Variants in PLAGL1 observed in about 807,000 individuals in gnomAD.
PLAGL1 encodes zinc finger protein PLAGL1.
PLAGL1 carries 1 observed loss-of-function variant against 4.6 expected under a neutral mutation model. The ratio of observed to expected loss-of-function variants is 0.22; its 90% CI spans 0.08 to 1.03. The LOEUF is 1.03. Among genes scored for constraint, PLAGL1 ranks in the 50% least tolerant of loss-of-function variants. The pLI is 0.58. For synonymous variants in PLAGL1, 240 were observed against 237.8 expected (o/e 1.01, Z -0.08); for missense variants, 464 against 570.4 (o/e 0.81, Z 1.90).
At position 144,050,373 on chromosome 6, in the gene PLAGL1, G is replaced by T. The variant is rs1798492143; in HGVS notation, c.-151+14095C>A. ...TGCTGCCAGAAGGTCTTTGATACCA[G>T]CAACCAGGGCTTGCTCGGCTTTCCT... is the stretch of plus-strand genomic sequence containing the variant. On this transcript the variant is annotated intron_variant, in intron 1 of 3. Transcript: ENST00000437412. The surrounding 1 kb of genome is among the most constrained non-coding windows in gnomAD (Gnocchi z 4.3). 6.6e-6 allele frequency among the ~76,000 whole-genome samples: 1 copy of T among 152,142 alleles called. No homozygotes were observed. Among genetic ancestry groups the T allele is most frequent in the Admixed American group, 6.5e-5 (1 of 15,284 alleles).
At chr6:144,051,958 A>G (rs1201738857) in intron 1 of PLAGL1, among the ~76,000 whole-genome samples, 3 of 152,340 alleles carry the variant, frequency 2.0e-5, no homozygotes, top group African/African-American at 4.8e-5. Context: ...CATATCACAT[A>G]TATTCATGAA....
rs145189479 is a variant in PLAGL1, at chr6:144,016,223, C to T, written c.-150-47245G>A. ...AGCTGAGGAGAAAGGAGAGCCAGTC[C>T]GAGTCCCAAAACTGAAGAACTTGGA... On this transcript the variant is annotated intron_variant, in intron 1 of 3. Transcript: ENST00000437412. This position sits in a 1 kb window ranked among gnomAD's most constrained non-coding sequence, Gnocchi z 4.2. Among the ~76,000 whole-genome samples the T allele has an allele frequency of 7.6e-3, 1,160 of 152,230 alleles. 10 individuals carry two copies. The highest frequency in any genetic ancestry group is 0.026 in the African/African-American group (1,089 of 41,498).
At position 143,949,157 on chromosome 6, in the gene PLAGL1, T is replaced by C. The variant is rs1780472088; in HGVS notation, c.-324-697A>G. 6.6e-6 allele frequency among the ~76,000 whole-genome samples: 1 copy of C among 152,202 alleles called. No individual in the cohort carries two copies. The highest frequency in any genetic ancestry group is 2.4e-5 in the African/African-American group (1 of 41,456). On this transcript the variant is annotated intron_variant, in intron 6 of 7. Transcript: ENST00000674357. The surrounding 1 kb of genome is among the most constrained non-coding windows in gnomAD (Gnocchi z 5.3). ...TACTAATCTCTTCCTTTTTTGTTTATGGACCTTTCTTCATTCCCTGGCCCT... is the reference window on the plus strand; with the variant it reads ...TACTAATCTCTTCCTTTTTTGTTTACGGACCTTTCTTCATTCCCTGGCCCT...
In PLAGL1 at chr6:144,013,467, T is replaced by G. The variant is rs553050155; in HGVS notation, c.-150-44489A>C. On this transcript the variant is annotated intron_variant, in intron 1 of 3. Transcript: ENST00000437412. The surrounding 1 kb of genome is among the most constrained non-coding windows in gnomAD (Gnocchi z 4.4). ...ATGGAATGGAACTTCCTTAGCCAGATAGTGGCTATATTTTATCCTATAGCT... is the reference window on the plus strand; with the variant it reads ...ATGGAATGGAACTTCCTTAGCCAGAGAGTGGCTATATTTTATCCTATAGCT... 3.3e-5 allele frequency among the ~76,000 whole-genome samples: 5 copies of G among 152,360 alleles called. No individual in the cohort carries two copies. In the South Asian group the frequency reaches 8.3e-4, roughly 25 times the overall value.
rs1281971809 is a variant in PLAGL1 at position 144,016,427 on chromosome 6, A to C, written c.-150-47449T>G. On this transcript the variant is annotated intron_variant, in intron 1 of 3. Coordinates refer to the PLAGL1 transcript ENST00000437412. This position sits in a 1 kb window ranked among gnomAD's most constrained non-coding sequence, Gnocchi z 4.2. ...CCCCAGACCACTGACTCAAATATTA[A>C]TCTCTTTTGGTAACACTCTCACAGA... is the stretch of plus-strand genomic sequence containing the variant. Among the ~76,000 whole-genome samples the C allele has an allele frequency of 6.6e-6, 1 of 152,198 alleles. No homozygotes were observed. The highest frequency in any genetic ancestry group is 2.4e-5 in the African/African-American group (1 of 41,458).
At chr6:144,062,797 C>A (rs751064318) in intron 1 of PLAGL1, among the ~76,000 whole-genome samples, 2 of 152,188 alleles carry the variant, frequency 1.3e-5, no homozygotes, top group Non-Finnish European at 2.9e-5. Flanking sequence ...AGATCCCCAA[C>A]ACATGTCTGT....
chr6:144,020,560 A>G (rs2128697648), intron 1 of PLAGL1, among the ~76,000 whole-genome samples: 1 of 152,150 alleles, frequency 6.6e-6, no homozygotes, highest in South Asian at 2.1e-4. Flanking sequence ...TGCTGGGATT[A>G]CAGGCATGAG....
chr6:144,047,926 A>T (rs1469583658), intron 1 of PLAGL1, among the ~76,000 whole-genome samples: 1 of 152,108 alleles, frequency 6.6e-6, no homozygotes, highest in Admixed American at 6.5e-5. Flanking sequence ...CTTCCTCCTA[A>T]GAGCCTGTAA....
chr6:144,043,655 CT>C (rs1167523194), intron 1 of PLAGL1, among the ~76,000 whole-genome samples: 3 of 152,188 alleles, frequency 2.0e-5, no homozygotes, highest in African/African-American at 7.2e-5. Flanking sequence ...TGTTGTGTCT[CT>C]GCTAGGCTTT....
intron 1 of PLAGL1, among the ~76,000 whole-genome samples, chr6:144,030,196 A>G (rs1193775480): frequency 1.6e-5 from 2 of 129,006 alleles, no homozygotes; most frequent in Non-Finnish European, 3.2e-5. Context: ...CGGAGCTTGC[A>G]GTGAGCCGAG....
upstream of PLAGL1, chr6:144,008,417 G>C (rs1200036485): frequency 2.0e-5 from 3 of 151,860 alleles, no homozygotes; most frequent in East Asian, 1.9e-4. The surrounding 1 kb of genome is among the most constrained non-coding windows in gnomAD (Gnocchi z 6.9). Flanking sequence ...GAGCCGGAAC[G>C]GCGCGGCCGC....
At chr6:144,017,308 G>T (rs1289524207) in intron 1 of PLAGL1, among the ~76,000 whole-genome samples, 1 of 151,730 alleles carries the variant, frequency 6.6e-6, no homozygotes, top group African/African-American at 2.4e-5. Context: ...CTGTAATCTT[G>T]GCTCAGAGGA....
chr6:143,996,049 G>A (rs1235369977), intron 1 of PLAGL1, among the ~76,000 whole-genome samples: 1 of 152,162 alleles, frequency 6.6e-6, no homozygotes, highest in Non-Finnish European at 1.5e-5. Flanking sequence ...ACTCTATTTT[G>A]TGACCTGCTG....
At position 143,948,043 on chromosome 6, in the gene PLAGL1, A is replaced by T. The variant is rs758334227; in HGVS notation, c.94T>A (p.Tyr32Asn). 1.2e-6 allele frequency: 2 copies of T among 1,613,878 alleles called. No individual in the cohort carries two copies. Among genetic ancestry groups the T allele is most frequent in the East Asian group, 2.2e-5 (1 of 44,886 alleles). The change falls in exon 7 of 8, where the codon TAC becomes AAC. Residue 32 changes from tyrosine (Y) to asparagine (N), a missense_variant. Around this residue, in one of 4 missense-constraint regions of PLAGL1, gnomAD observed 161 missense variants for 196.7 expected, o/e 0.82. Transcript: ENST00000674357. The surrounding 1 kb of genome is among the most constrained non-coding windows in gnomAD (Gnocchi z 6.0). ...HNYSHSRERP[Y>N]KCVQPDCGKA... ...CCACAGTCAGGCTGCACACACTTGTACGGCCGCTCCCTGGAGTGGGAATAA... is the reference window on the plus strand; with the variant it reads ...CCACAGTCAGGCTGCACACACTTGTTCGGCCGCTCCCTGGAGTGGGAATAA...
At position 144,050,192 on chromosome 6, in the gene PLAGL1, AC is replaced by A. The variant is rs1798481445; in HGVS notation, c.-151+14275del. ...AGGGAAATTGAGACCACCTAAGGGA[AC>A]AAGAGATTCACATTGCCCAGAACGT... On this transcript the variant is annotated intron_variant, in intron 1 of 3. Coordinates refer to the PLAGL1 transcript ENST00000437412. The surrounding 1 kb of genome is among the most constrained non-coding windows in gnomAD (Gnocchi z 4.3). Among the ~76,000 whole-genome samples the A allele has an allele frequency of 6.6e-6, 1 of 152,208 alleles. No individual in the cohort carries two copies. The highest frequency in any genetic ancestry group is 6.5e-5 in the Admixed American group (1 of 15,278).
rs1187170174 is a variant in PLAGL1 at position 143,958,486 on chromosome 6, T to C, written c.-325+1983A>G. Among the ~76,000 whole-genome samples the C allele has an allele frequency of 1.3e-5, 2 of 152,198 alleles. No homozygotes were observed. Among genetic ancestry groups the C allele is most frequent in the Non-Finnish European group, 2.9e-5 (2 of 68,040 alleles). ...GAGAAAAGTGAAGCTGCTGCACCTG[T>C]TCCCAAGCTCACTCCACTTCCTCCA... On this transcript the variant is annotated intron_variant, in intron 6 of 7. Transcript: ENST00000674357. This position sits in a 1 kb window ranked among gnomAD's most constrained non-coding sequence, Gnocchi z 5.1.
chr6:144,002,800 G>T (rs543392156), intron 1 of PLAGL1, among the ~76,000 whole-genome samples: 2 of 150,792 alleles, frequency 1.3e-5, no homozygotes, highest in South Asian at 4.2e-4. Flanking sequence ...GCAATGAAGG[G>T]AAAGACTCAA....
chr6:144,019,749 C>A (rs1795835412), intron 1 of PLAGL1, among the ~76,000 whole-genome samples: 1 of 148,370 alleles, frequency 6.7e-6, no homozygotes. Context: ...GTTCTTCCAG[C>A]TTTTTGTTTT....
At chr6:144,012,641 A>G (rs377054998), upstream of PLAGL1, among the ~76,000 whole-genome samples, 6 of 152,120 alleles carry the variant, frequency 3.9e-5, no homozygotes, top group South Asian at 1.2e-3. The surrounding 1 kb of genome is among the most constrained non-coding windows in gnomAD (Gnocchi z 4.8). Flanking sequence ...ACTATATGAA[A>G]TCCTTTTTTA....
Sources: gnomAD v4.1 joint callset for allele counts (sites outside exome capture counted in the v4.1 genomes callset) on GRCh38, gnomAD v4.1.1 for gene constraint, gnomAD v4.1.1 regional missense constraint, Gnocchi (gnomAD v3.1) non-coding constraint, MANE v1.5 for transcripts, NCBI Gene and HGNC (gene_info 2026-07-23, HGNC 2026-07-21) for gene names.